The following OPCML variants were observed in gnomAD, a reference collection of about 807,000 sequenced individuals.
The protein encoded by OPCML is opioid-binding protein/cell adhesion molecule.
OPCML carries 13 observed loss-of-function variants against 37.8 expected under a neutral mutation model. That is an observed-to-expected ratio of 0.34 (90% confidence interval 0.22 to 0.55). The LOEUF is 0.55. OPCML is among the 20% of genes least tolerant of loss of function. OPCML has a pLI of 0.91. For synonymous variants in OPCML, 176 were observed against 168.8 expected (o/e 1.04, Z -0.33); for missense variants, 341 against 435.6 (o/e 0.78, Z 1.93).
intron 1 of OPCML, among the ~76,000 whole-genome samples, chr11:133,257,917 A>G (rs761757376): frequency 1.1e-4 from 16 of 151,950 alleles, no homozygotes; most frequent in Non-Finnish European, 2.1e-4. Context: ...ACTTCCAGAA[A>G]ATACAAAGTC....
chr11:132,442,397 G>C (rs575137883), intron 4 of OPCML, among the ~76,000 whole-genome samples: 1 of 152,232 alleles, frequency 6.6e-6, no homozygotes, highest in Admixed American at 6.5e-5. Flanking sequence ...TTGTGCCAGC[G>C]ATATCTCAGC....
intron 2 of OPCML, among the ~76,000 whole-genome samples, chr11:132,867,398 G>C (rs1459443529): frequency 6.6e-6 from 1 of 152,170 alleles, no homozygotes; most frequent in African/African-American, 2.4e-5. Flanking sequence ...AGATTACCTA[G>C]CATGGGAATC....
chr11:132,739,032 T>A (rs1565822403), intron 2 of OPCML, among the ~76,000 whole-genome samples: 1 of 152,170 alleles, frequency 6.6e-6, no homozygotes, highest in African/African-American at 2.4e-5. Context: ...AAAGCAGGCT[T>A]AGACCCTTAA....
chr11:132,784,672 T>A (rs574632883), intron 2 of OPCML, among the ~76,000 whole-genome samples: 2 of 152,130 alleles, frequency 1.3e-5, no homozygotes, highest in Non-Finnish European at 2.9e-5. Flanking sequence ...TGGGAACAGA[T>A]CCCTCATGAA....
intron 1 of OPCML, among the ~76,000 whole-genome samples, chr11:133,121,320 C>A (rs1949417218): frequency 1.3e-5 from 2 of 152,214 alleles, no homozygotes; most frequent in African/African-American, 4.8e-5. Flanking sequence ...CAGAAACTTT[C>A]TAGAAATTTC....
chr11:132,536,927 G>C (rs1194548270), intron 3 of OPCML, among the ~76,000 whole-genome samples: 1 of 152,166 alleles, frequency 6.6e-6, no homozygotes, highest in Non-Finnish European at 1.5e-5. Flanking sequence ...GCACTTGTGT[G>C]CTCATATGTT....
chr11:132,591,851 G>A (rs1315534708), intron 3 of OPCML, among the ~76,000 whole-genome samples: 1 of 152,204 alleles, frequency 6.6e-6, no homozygotes, highest in Non-Finnish European at 1.5e-5. Flanking sequence ...GTTCTTGTGT[G>A]TATAAAGATA....
chr11:133,081,430 T>A (rs1440722299), intron 1 of OPCML, among the ~76,000 whole-genome samples: 1 of 152,190 alleles, frequency 6.6e-6, no homozygotes, highest in East Asian at 1.9e-4. Flanking sequence ...ACCCAGTGTG[T>A]GCTACAAAGC....
At chr11:133,454,219 T>C (rs1049243411) in intron 1 of OPCML, among the ~76,000 whole-genome samples, 2 of 152,190 alleles carry the variant, frequency 1.3e-5, no homozygotes, top group African/African-American at 4.8e-5. Flanking sequence ...GAAATCTGAG[T>C]TCTAAAAATT....
chr11:132,930,917 C>T (rs553806000), intron 2 of OPCML, among the ~76,000 whole-genome samples: 7 of 152,226 alleles, frequency 4.6e-5, no homozygotes, highest in Non-Finnish European at 8.8e-5. Flanking sequence ...CCAAAACATA[C>T]TACAAAGTTA....
At chr11:133,241,414 G>T (rs1940726736) in intron 1 of OPCML, among the ~76,000 whole-genome samples, 1 of 152,190 alleles carries the variant, frequency 6.6e-6, no homozygotes, top group Non-Finnish European at 1.5e-5. Flanking sequence ...TAGAGCCAAA[G>T]CTAAGCACTA....
intron 1 of OPCML, among the ~76,000 whole-genome samples, chr11:133,125,721 A>G (rs1949496490): frequency 2.2e-5 from 1 of 45,210 alleles, no homozygotes; most frequent in Non-Finnish European, 4.9e-5. Context: ...ATATATATGT[A>G]TATAGTATAT....
At chr11:133,085,934 T>C (rs1175217146) in intron 1 of OPCML, among the ~76,000 whole-genome samples, 1 of 152,222 alleles carries the variant, frequency 6.6e-6, no homozygotes, top group Non-Finnish European at 1.5e-5. Flanking sequence ...AATTAACCTG[T>C]CGGTTCATCT....
chr11:133,327,450 C>G (rs1943500953), intron 1 of OPCML, among the ~76,000 whole-genome samples: 1 of 151,928 alleles, frequency 6.6e-6, no homozygotes, highest in African/African-American at 2.4e-5. Context: ...CGAGGTAATT[C>G]TCTAGGGTCA....
chr11:132,518,278 C>T (rs2096284613), intron 4 of OPCML, among the ~76,000 whole-genome samples: 1 of 152,102 alleles, frequency 6.6e-6, no homozygotes, highest in South Asian at 2.1e-4. Flanking sequence ...TCACTGTGCC[C>T]ATGTATTCTC....
At chr11:132,460,217 C>CT (rs373091565) in intron 4 of OPCML, among the ~76,000 whole-genome samples, 15,335 of 145,082 alleles carry the variant, frequency 0.11, 2,038 homozygotes, top group African/African-American at 0.32. Context: ...GTTAAAGTGA[C>CT]TTTTTTTTTT....
intron 1 of OPCML, among the ~76,000 whole-genome samples, chr11:133,385,573 G>A (rs912282850): frequency 6.6e-6 from 1 of 152,076 alleles, no homozygotes; most frequent in African/African-American, 2.4e-5. Flanking sequence ...AGGTTGCCAC[G>A]CTGTTCCAGT....
At chr11:133,411,881 T>C (rs1373469079) in intron 1 of OPCML, among the ~76,000 whole-genome samples, 1 of 152,104 alleles carries the variant, frequency 6.6e-6, no homozygotes, top group Non-Finnish European at 1.5e-5. Flanking sequence ...GATTTGCATG[T>C]AAGATAAAAA....
chr11:133,497,883 T>A (rs1947819350), intron 1 of OPCML, among the ~76,000 whole-genome samples: 1 of 152,152 alleles, frequency 6.6e-6, no homozygotes, highest in Non-Finnish European at 1.5e-5. Flanking sequence ...TCCCGGCAAA[T>A]TAACCAGCAT....
Sources: gnomAD v4.1 joint callset for allele counts (sites outside exome capture counted in the v4.1 genomes callset) on GRCh38, gnomAD v4.1.1 for gene constraint, MANE v1.5 for transcripts, NCBI Gene and HGNC (gene_info 2026-07-23, HGNC 2026-07-21) for gene names.